CASK: variants seen among roughly 807,000 people sequenced by gnomAD.
The protein encoded by CASK is peripheral plasma membrane protein CASK.
A neutral mutation model predicts 82.9 loss-of-function variants in CASK; 4 were observed. The observed-to-expected ratio is 0.05, with a 90% CI of 0.02 to 0.11. The LOEUF (loss-of-function observed/expected upper bound fraction) is 0.11, where lower values mean the gene tolerates loss of function less well. Ranked by LOEUF, CASK falls within the 10% of genes least tolerant of loss-of-function variation. CASK has a pLI of 1.00. For synonymous variants in CASK, 259 were observed against 253.5 expected (o/e 1.02, Z -0.20); for missense variants, 358 against 720.9 (o/e 0.50, Z 5.76).
chrX:41,842,386 C>A (rs2071059136), intron 2 of CASK, among the ~76,000 whole-genome samples: 1 of 109,661 alleles, frequency 9.1e-6, no homozygotes, highest in African/African-American at 3.3e-5. Flanking sequence ...GCCTGGCCAA[C>A]ATGGTGAAAC....
intron 21 of CASK, among the ~76,000 whole-genome samples, chrX:41,547,679 G>T (rs2147124457): frequency 9.3e-6 from 1 of 108,072 alleles, no homozygotes; most frequent in African/African-American, 3.4e-5. Flanking sequence ...CTGGAGGGCA[G>T]TGGCGCGATC....
chrX:41,782,934 CA>C (rs2069508325), intron 3 of CASK, among the ~76,000 whole-genome samples: 1 of 111,378 alleles, frequency 9.0e-6, no homozygotes, highest in African/African-American at 3.3e-5. Flanking sequence ...CACTTGAGGC[CA>C]GGGGTGTGAG....
At chrX:41,596,651 C>G (rs939639354) in intron 12 of CASK, among the ~76,000 whole-genome samples, 1 of 111,344 alleles carries the variant, frequency 9.0e-6, no homozygotes, top group Admixed American at 9.6e-5. Context: ...TATCATTACC[C>G]AAATTCAGCA....
chrX:41,729,377 T>C (rs1305017209), intron 5 of CASK: 1 of 122,463 alleles, frequency 8.2e-6, no homozygotes, highest in African/African-American at 3.3e-5. Flanking sequence ...GCTTTACATA[T>C]ATTATTTTAA....
At chrX:41,605,365 G>C (rs924513823) in intron 12 of CASK, among the ~76,000 whole-genome samples, 4 of 110,004 alleles carry the variant, frequency 3.6e-5, no homozygotes, top group African/African-American at 9.9e-5. Flanking sequence ...GGGAGGCCGA[G>C]GCAGGAGAAC....
At chrX:41,724,788 C>T (rs1042657654) in intron 5 of CASK, among the ~76,000 whole-genome samples, 3 of 111,470 alleles carry the variant, frequency 2.7e-5, no homozygotes, top group Non-Finnish European at 5.7e-5. Flanking sequence ...AGTCTATGTC[C>T]CTTTTGTTTG....
chrX:41,831,961 A>AAAAT (rs940940099), intron 2 of CASK, among the ~76,000 whole-genome samples: 108 of 110,433 alleles, frequency 9.8e-4, no homozygotes, highest in East Asian at 4.8e-3. Flanking sequence ...ACTCCGTCTC[A>AAAAT]AAATAAATAA....
chrX:41,692,132 T>C (rs1192548606), intron 5 of CASK, among the ~76,000 whole-genome samples: 3 of 111,824 alleles, frequency 2.7e-5, no homozygotes, highest in Non-Finnish European at 3.8e-5. Flanking sequence ...GTAAAGGAAG[T>C]AATATAAATG....
At chrX:41,817,526 A>G (rs987998144) in intron 2 of CASK, among the ~76,000 whole-genome samples, 1 of 111,867 alleles carries the variant, frequency 8.9e-6, no homozygotes, top group Non-Finnish European at 1.9e-5. Flanking sequence ...TACAGGTTGA[A>G]TATCTCTTAT....
chrX:41,805,443 C>T (rs1039438384), intron 2 of CASK, among the ~76,000 whole-genome samples: 1 of 111,700 alleles, frequency 9.0e-6, no homozygotes, highest in Non-Finnish European at 1.9e-5. Context: ...GCTTTTCAGC[C>T]ATTTAACCTT....
chrX:41,831,735 G>T (rs2070820036), intron 2 of CASK, among the ~76,000 whole-genome samples: 1 of 111,976 alleles, frequency 8.9e-6, no homozygotes, highest in African/African-American at 3.2e-5. Flanking sequence ...GAGGCGGGCT[G>T]ATCACCTGAG....
At chrX:41,901,488 GAAAA>G (rs777860030) in intron 1 of CASK, among the ~76,000 whole-genome samples, 1 of 82,276 alleles carries the variant, frequency 1.2e-5, no homozygotes, top group Admixed American at 1.4e-4. Context: ...CCCTGTCTCA[GAAAA>G]AAAAAAAAAA....
chrX:41,734,639 G>A (rs1191784019), intron 5 of CASK, among the ~76,000 whole-genome samples: 1 of 112,001 alleles, frequency 8.9e-6, no homozygotes, highest in African/African-American at 3.2e-5. Flanking sequence ...TATTATGACA[G>A]TGGGCCTTAA....
At chrX:41,561,985 G>A in intron 16 of CASK, 1 of 159,880 alleles carries the variant, frequency 6.3e-6, no homozygotes, top group Non-Finnish European at 1.2e-5. Flanking sequence ...AAGATCTTGG[G>A]TAAATTACTG....
At chrX:41,844,973 C>A (rs2071122946) in intron 2 of CASK, among the ~76,000 whole-genome samples, 1 of 111,849 alleles carries the variant, frequency 8.9e-6, no homozygotes, top group Non-Finnish European at 1.9e-5. Flanking sequence ...ATTTCCACAT[C>A]TTTGTGAATT....
chrX:41,657,314 A>G (rs1382576745), intron 8 of CASK, among the ~76,000 whole-genome samples: 5 of 112,315 alleles, frequency 4.5e-5, no homozygotes, highest in Non-Finnish European at 3.8e-5. Flanking sequence ...TCTTAGCTCA[A>G]TTATATCAGG....
chrX:41,682,581 T>C (rs1286387434), intron 5 of CASK, among the ~76,000 whole-genome samples: 1 of 84,630 alleles, frequency 1.2e-5, no homozygotes, highest in African/African-American at 4.4e-5. Context: ...AGCTGGAGAA[T>C]GCAATGGTGG....
At chrX:41,547,020 T>C (rs988701520) in intron 21 of CASK, among the ~76,000 whole-genome samples, 3 of 111,220 alleles carry the variant, frequency 2.7e-5, no homozygotes, top group Admixed American at 9.6e-5. Flanking sequence ...AACCTCCGCC[T>C]CCCGGGTTCC....
chrX:41,531,080 T>C lies in CASK; in HGVS notation c.2447A>G (p.Tyr816Cys), dbSNP rs1220406933. 4.1e-6 allele frequency: 5 copies of C among 1,211,625 alleles called. No homozygotes were observed. In the African/African-American group the frequency reaches 6.9e-5, roughly 17 times the overall value. Residue 816 changes from tyrosine to cysteine, a missense_variant, in exon 25 of 27, where the codon TAT becomes TGT. Tyr to Cys is a radical substitution (Grantham distance 194). This residue lies in a region of CASK where 118 missense variants were observed against 169.4 expected (regional missense o/e 0.70). Transcript: ENST00000378163. ...LEYGSHEDAM[Y>C]GTKLETIRKI... ...CCGGATGGTCTCCAGTTTTGTCCCA[T>C]ACATCGCATCCTCGTGGCTGCCGTA...
Sources: gnomAD v4.1 joint callset for allele counts (sites outside exome capture counted in the v4.1 genomes callset) on GRCh38, gnomAD v4.1.1 for gene constraint, gnomAD v4.1.1 regional missense constraint, MANE v1.5 for transcripts, NCBI Gene and HGNC (gene_info 2026-07-23, HGNC 2026-07-21) for gene names.